Variants in DCAF6 observed in about 807,000 individuals in gnomAD.
The protein encoded by DCAF6 is DDB1- and CUL4-associated factor 6.
Under a neutral mutation model 125.1 loss-of-function variants are expected in DCAF6, and 54 were observed. The observed-to-expected ratio is 0.43, with a 90% confidence interval of 0.35 to 0.54. DCAF6 has a LOEUF of 0.54. Among genes scored for constraint, DCAF6 ranks in the 20% least tolerant of loss-of-function variants. DCAF6 has a pLI of 0.01. For missense variants in DCAF6, 934 were observed against 1,161.7 expected (o/e 0.80, Z 2.85); for synonymous variants, 371 against 390.4 (o/e 0.95, Z 0.58).
intron 14 of DCAF6, among the ~76,000 whole-genome samples, chr1:168,043,560 A>G (rs1688807144): frequency 6.6e-6 from 1 of 152,210 alleles, no homozygotes; most frequent in Admixed American, 6.6e-5. Context: ...AGTGCCACTT[A>G]AGGGATTTTT....
chr1:168,073,449 C>G (rs958632367), intron 21 of DCAF6, among the ~76,000 whole-genome samples: 1 of 152,204 alleles, frequency 6.6e-6, no homozygotes, highest in African/African-American at 2.4e-5. Flanking sequence ...AACTATTCTG[C>G]TTTCCTCATT....
At chr1:167,900,504 A>AT in the DCAF6 span, among the ~76,000 whole-genome samples, 1 of 150,584 alleles carries the variant, frequency 6.6e-6, no homozygotes, top group African/African-American at 2.4e-5. Context: ...AATAACTTTG[A>AT]TTTTTTTTTC....
chr1:167,987,652 G>T (rs752925883), intron 5 of DCAF6, 44 bp downstream of exon 5: 11 of 1,021,118 alleles, frequency 1.1e-5, no homozygotes, highest in Non-Finnish European at 1.5e-5. Context: ...AAAAATTAAG[G>T]TTATAATTAA....
chr1:167,957,335 A>G (rs1490380329), intron 2 of DCAF6, among the ~76,000 whole-genome samples: 3 of 152,152 alleles, frequency 2.0e-5, no homozygotes, highest in Admixed American at 6.5e-5. Context: ...CTGACATTTC[A>G]TATAAATGGA....
chr1:167,914,195 T>C, the DCAF6 span: 2 of 152,314 alleles, frequency 1.3e-5, no homozygotes, highest in African/African-American at 4.8e-5. Context: ...GCACCGACCA[T>C]GTTTCTGATT....
intron 11 of DCAF6, among the ~76,000 whole-genome samples, chr1:168,018,807 G>T (rs1421528324): frequency 1.3e-5 from 2 of 151,986 alleles, no homozygotes; most frequent in African/African-American, 4.8e-5. Flanking sequence ...AAATGAATTT[G>T]CCTTTATCAC....
chr1:168,019,454 G>A (rs940235556), intron 11 of DCAF6: 1 of 397,474 alleles, frequency 2.5e-6, no homozygotes. Context: ...TGAGCTATAT[G>A]TACATGTATC....
chr1:168,067,667 G>A (rs1266447309), intron 20 of DCAF6, among the ~76,000 whole-genome samples: 1 of 152,216 alleles, frequency 6.6e-6, no homozygotes, highest in Non-Finnish European at 1.5e-5. Flanking sequence ...GCCCTGTGGG[G>A]CACCCTGATG....
At chr1:167,918,067 G>A in the DCAF6 span, 1 of 343,828 alleles carries the variant, frequency 2.9e-6, no homozygotes, top group Non-Finnish European at 5.3e-6. Flanking sequence ...GAGGCAGGGG[G>A]TATATACGAG....
chr1:167,998,472 A>T (rs1243061673), intron 7 of DCAF6, among the ~76,000 whole-genome samples: 1 of 152,114 alleles, frequency 6.6e-6, no homozygotes, highest in Non-Finnish European at 1.5e-5. Context: ...TTCCTTTCAT[A>T]AAAGATGTAT....
At chr1:167,963,784 A>G (rs1164231542) in intron 2 of DCAF6, among the ~76,000 whole-genome samples, 1 of 151,544 alleles carries the variant, frequency 6.6e-6, no homozygotes, top group African/African-American at 2.4e-5. Context: ...CTTCCTTAGT[A>G]TTTATTAGTT....
intron 7 of DCAF6, among the ~76,000 whole-genome samples, chr1:168,002,118 GACT>G (rs1682729749): frequency 6.6e-6 from 1 of 152,124 alleles, no homozygotes; most frequent in South Asian, 2.1e-4. Flanking sequence ...AATTTAACTA[GACT>G]ATATTTATCA....
the DCAF6 span, among the ~76,000 whole-genome samples, chr1:167,872,466 G>A: frequency 3.3e-5 from 5 of 151,788 alleles, no homozygotes; most frequent in Non-Finnish European, 7.4e-5. Context: ...TCTTTAGCTG[G>A]ATTCTAAAAT....
rs1224626710 is a variant in DCAF6, at chr1:167,945,508, T to C, written c.98-6292T>C. 2.0e-5 allele frequency among the ~76,000 whole-genome samples: 3 copies of C among 152,202 alleles called. No individual in the cohort carries two copies. The East Asian group carries it at 5.8e-4, about 29-fold the overall frequency. ...AATTTCTTTTTTCTTTTTTTCTTTT[T>C]TGAGACGGAGTCTCACTCTGTCACC... On this transcript the variant is annotated intron_variant, in intron 1 of 21. Transcript: ENST00000367840.
intron 12 of DCAF6, chr1:168,024,089 T>TTA (rs1686015576): frequency 5.9e-5 from 9 of 151,726 alleles, no homozygotes. Flanking sequence ...TGGTGGTGCA[T>TTA]GCCTGTAGTC....
chr1:167,871,033 G>T, the DCAF6 span, among the ~76,000 whole-genome samples: 1 of 151,934 alleles, frequency 6.6e-6, no homozygotes, highest in South Asian at 2.1e-4. Flanking sequence ...TACACAACCA[G>T]GAATTAAGCC....
intron 21 of DCAF6, among the ~76,000 whole-genome samples, chr1:168,072,463 A>T (rs1287642775): frequency 6.6e-6 from 1 of 151,850 alleles, no homozygotes; most frequent in African/African-American, 2.4e-5. Flanking sequence ...TAATTTCTTT[A>T]TTTATTGTCT....
chr1:168,046,088 A>G (rs1426862743), intron 16 of DCAF6, among the ~76,000 whole-genome samples: 2 of 152,018 alleles, frequency 1.3e-5, no homozygotes, highest in African/African-American at 4.8e-5. Context: ...TTAATTTACC[A>G]CTCATAGTCA....
chr1:167,965,722 G>A (rs1465641895), intron 2 of DCAF6, among the ~76,000 whole-genome samples: 1 of 152,042 alleles, frequency 6.6e-6, no homozygotes, highest in Non-Finnish European at 1.5e-5. Flanking sequence ...CACCTCTTGG[G>A]TTCAAGCAGT....
Sources: allele counts gnomAD v4.1 joint callset (sites outside exome capture counted in the v4.1 genomes callset), GRCh38; gene constraint gnomAD v4.1.1; transcripts MANE v1.5; gene names NCBI Gene and HGNC (gene_info 2026-07-23, HGNC 2026-07-21).